SERPINI1: variants seen among roughly 807,000 people sequenced by gnomAD.
SERPINI1 encodes the protein serpin family I member 1.
A neutral mutation model predicts 41.1 loss-of-function variants in SERPINI1; 19 were observed. The observed-to-expected ratio is 0.46, with a 90% CI of 0.32 to 0.68. SERPINI1 has a LOEUF of 0.68. SERPINI1 is among the 30% of genes least tolerant of loss of function. The pLI is 0.03. For synonymous variants in SERPINI1, 138 were observed against 156.6 expected, an observed-to-expected ratio of 0.88 and a Z score of 0.89; for missense variants, 460 against 479.2, an observed-to-expected ratio of 0.96 and a Z score of 0.37.
chr3:167,744,201 A>C (rs1725768411), intron 1 of SERPINI1, among the ~76,000 whole-genome samples: 1 of 152,114 alleles, frequency 6.6e-6, no homozygotes, highest in Non-Finnish European at 1.5e-5. Flanking sequence ...TAATCTCTCT[A>C]AACTTTGGTT....
chr3:167,771,097 G>T (rs1360671685), intron 1 of SERPINI1, among the ~76,000 whole-genome samples: 1 of 152,096 alleles, frequency 6.6e-6, no homozygotes, highest in Non-Finnish European at 1.5e-5. Context: ...TATAACCTCT[G>T]TAGAGGGCAA....
intron 1 of SERPINI1, among the ~76,000 whole-genome samples, chr3:167,753,796 A>G (rs2108536035): frequency 6.6e-6 from 1 of 152,362 alleles, no homozygotes; most frequent in Middle Eastern, 3.4e-3. Flanking sequence ...ACTGTATATC[A>G]GAAGACTATC....
chr3:167,754,627 A>G (rs756250346), intron 1 of SERPINI1, among the ~76,000 whole-genome samples: 8 of 152,214 alleles, frequency 5.3e-5, no homozygotes, highest in Non-Finnish European at 1.0e-4. Flanking sequence ...TGGAAGTGTC[A>G]CTAATCAGAT....
Position 167,789,190 on chromosome 3 carries a change from T to G in SERPINI1, c.62T>G (p.Phe21Cys), listed in dbSNP as rs765482034. 6.2e-7 allele frequency: 1 copy of G among 1,614,166 alleles called. No homozygotes were observed. The highest frequency in any genetic ancestry group is 1.1e-5 in the South Asian group (1 of 91,088). The change falls in exon 2 of 9, where the codon TTC becomes TGC. Residue 21 changes from phenylalanine to cysteine, a missense_variant. Coordinates refer to ENST00000446050, the MANE Select transcript of SERPINI1 (RefSeq NM_001122752.2). ...CAAAGTATGGCTACAGGGGCCACTT[T>G]CCCTGAGGAAGCCATTGCTGACTTG... is the stretch of plus-strand genomic sequence containing the variant. ...VLQSMATGAT[F>C]PEEAIADLSV...
chr3:167,753,145 G>A (rs1054613088), intron 1 of SERPINI1, among the ~76,000 whole-genome samples: 3 of 152,028 alleles, frequency 2.0e-5, no homozygotes, highest in African/African-American at 7.2e-5. Context: ...TATATTGGAT[G>A]TCGATGCTTG....
At chr3:167,818,987 G>C (rs1486380535) in intron 6 of SERPINI1, among the ~76,000 whole-genome samples, 1 of 152,092 alleles carries the variant, frequency 6.6e-6, no homozygotes, top group Non-Finnish European at 1.5e-5. Flanking sequence ...GTAGGAACTG[G>C]GTTCTAGCAC....
intron 1 of SERPINI1, among the ~76,000 whole-genome samples, chr3:167,779,691 T>C (rs1396346131): frequency 6.6e-6 from 1 of 152,224 alleles, no homozygotes; most frequent in African/African-American, 2.4e-5. Context: ...AAATTAACTC[T>C]TCATATATTA....
At chr3:167,809,499 T>C (rs1489116480) in intron 6 of SERPINI1, among the ~76,000 whole-genome samples, 1 of 152,170 alleles carries the variant, frequency 6.6e-6, no homozygotes, top group South Asian at 2.1e-4. Context: ...ATTTCTAACA[T>C]ATTTGGAAGG....
chr3:167,746,144 C>T (rs1227662499), intron 1 of SERPINI1, among the ~76,000 whole-genome samples: 4 of 152,204 alleles, frequency 2.6e-5, no homozygotes, highest in African/African-American at 4.8e-5. Context: ...TTTACATTTT[C>T]AGTCAATTGA....
At chr3:167,776,762 G>C (rs1477186994) in intron 1 of SERPINI1, among the ~76,000 whole-genome samples, 4 of 152,182 alleles carry the variant, frequency 2.6e-5, no homozygotes, top group African/African-American at 9.7e-5. Context: ...CAAATTGCAA[G>C]AACTCAATAG....
chr3:167,795,867 C>G (rs531136670), intron 5 of SERPINI1, among the ~76,000 whole-genome samples: 1 of 151,996 alleles, frequency 6.6e-6, no homozygotes, highest in Non-Finnish European at 1.5e-5. Context: ...CCAGTAAACA[C>G]GTAGAACATG....
chr3:167,773,979 T>C (rs769867687), intron 1 of SERPINI1, among the ~76,000 whole-genome samples: 1 of 152,190 alleles, frequency 6.6e-6, no homozygotes, highest in Non-Finnish European at 1.5e-5. Flanking sequence ...TTAACTTAGG[T>C]TGGTGTTCCA....
intron 6 of SERPINI1, among the ~76,000 whole-genome samples, chr3:167,818,018 G>GTTGTTTGTTTGT (rs10632766): frequency 1.5e-4 from 22 of 151,426 alleles, no homozygotes; most frequent in Non-Finnish European, 3.1e-4. Flanking sequence ...AAATATTTTG[G>GTTGTTTGTTTGT]TTGTTTGTTT....
chr3:167,802,232 T>C (rs1369941193), intron 5 of SERPINI1, among the ~76,000 whole-genome samples: 2 of 152,088 alleles, frequency 1.3e-5, no homozygotes, highest in South Asian at 2.1e-4. Flanking sequence ...ACTTCATGTC[T>C]AAAACACCAA....
intron 5 of SERPINI1, among the ~76,000 whole-genome samples, chr3:167,795,900 T>G (rs746348628): frequency 3.3e-5 from 5 of 152,132 alleles, no homozygotes; most frequent in Non-Finnish European, 7.4e-5. Flanking sequence ...CTATGTAAAT[T>G]TTAGTCTAGA....
intron 1 of SERPINI1, among the ~76,000 whole-genome samples, chr3:167,752,871 G>A (rs1314084331): frequency 6.6e-6 from 1 of 151,956 alleles, no homozygotes; most frequent in Non-Finnish European, 1.5e-5. Flanking sequence ...TTATCCTCAT[G>A]TCTCAACTTA....
At chr3:167,760,043 T>C (rs1366534780) in intron 1 of SERPINI1, among the ~76,000 whole-genome samples, 2 of 152,168 alleles carry the variant, frequency 1.3e-5, no homozygotes, top group East Asian at 1.9e-4. Context: ...TTGGATACTT[T>C]AAGGTTATAC....
intron 7 of SERPINI1, 135 bp downstream of exon 7, chr3:167,823,207 A>G (rs1712399960): frequency 1.4e-6 from 1 of 716,660 alleles, no homozygotes; most frequent in African/African-American, 1.8e-5. Context: ...GCAAATGCTG[A>G]ACCAGCCGGA....
At chr3:167,766,877 G>A (rs1000693106) in intron 1 of SERPINI1, among the ~76,000 whole-genome samples, 1 of 152,222 alleles carries the variant, frequency 6.6e-6, no homozygotes, top group African/African-American at 2.4e-5. Context: ...TGGTTCATGA[G>A]GTTTAAGAAA....
Sources: gnomAD v4.1 joint callset for allele counts (sites outside exome capture counted in the v4.1 genomes callset) on GRCh38, gnomAD v4.1.1 for gene constraint, MANE v1.5 for transcripts, NCBI Gene and HGNC (gene_info 2026-07-23, HGNC 2026-07-21) for gene names.